Variants in GPR89B observed in about 807,000 individuals in gnomAD.
The protein encoded by GPR89B is G protein-coupled receptor 89B.
Under a neutral mutation model 52.4 loss-of-function variants are expected in GPR89B, and 25 were observed. The observed-to-expected ratio is 0.48, with a 90% CI of 0.35 to 0.67. GPR89B has a LOEUF of 0.67. Ranked by LOEUF, GPR89B falls within the 30% of genes least tolerant of loss-of-function variation. The pLI, the probability that GPR89B is intolerant of heterozygous loss-of-function variation, is 0.01. For synonymous variants in GPR89B, 52 were observed against 151.2 expected, an observed-to-expected ratio of 0.34 and a Z score of 4.81; for missense variants, 146 against 450.2, an observed-to-expected ratio of 0.32 and a Z score of 6.11.
At chr1:147,931,411 T>C (rs4245684) in intron 1 of GPR89B, among the ~76,000 whole-genome samples, 3 of 152,252 alleles carry the variant, frequency 2.0e-5, no homozygotes, top group Admixed American at 6.5e-5. Context: ...CTGAAAGTAT[T>C]AAGTCTCATT....
At chr1:148,016,906 G>A in the GPR89B span, among the ~76,000 whole-genome samples, 4,059 of 150,956 alleles carry the variant, frequency 0.027, 76 homozygotes, top group Non-Finnish European at 0.041. Context: ...ATTATTCATG[G>A]TTCCATATTC....
rs1471205237 is a variant in GPR89B at position 147,968,100 on chromosome 1, C to T, written c.728-775C>T. The T allele has an allele frequency of 5.6e-4, 199 of 356,658 alleles. 1 individual carries two copies. Among genetic ancestry groups the T allele is most frequent in the South Asian group, 4.0e-3 (188 of 46,730 alleles). 22.1% of individuals were successfully genotyped at this position (356,658 alleles called of 1,614,324 possible). On this transcript the variant is annotated intron_variant, in intron 8 of 13. Coordinates refer to ENST00000314163, the MANE Select transcript of GPR89B (RefSeq NM_016334.5). ...TTTATTACTTAAAAGTTCATAAAAG[C>T]CAATAATATGGGTTTGAGCTGTGTT...
chr1:147,965,331 A>G (rs1276841345), intron 7 of GPR89B, among the ~76,000 whole-genome samples: 1 of 151,070 alleles, frequency 6.6e-6, no homozygotes, highest in Non-Finnish European at 1.5e-5. Flanking sequence ...AGTCCCAGGC[A>G]TAAATACCAA....
intron 3 of GPR89B, among the ~76,000 whole-genome samples, chr1:147,940,655 G>T (rs1384331350): frequency 6.6e-6 from 1 of 152,202 alleles, no homozygotes; most frequent in Non-Finnish European, 1.5e-5. Context: ...TGCTGTTGTA[G>T]AGCGAAAGCA....
intron 1 of GPR89B, among the ~76,000 whole-genome samples, chr1:147,933,704 A>T (rs1260505138): frequency 6.6e-6 from 1 of 151,080 alleles, no homozygotes; most frequent in Non-Finnish European, 1.5e-5. Flanking sequence ...TTTACCTTCT[A>T]AATAGTTCTC....
chr1:147,985,680 A>G (rs1408709744), intron 10 of GPR89B, among the ~76,000 whole-genome samples: 1 of 150,228 alleles, frequency 6.7e-6, no homozygotes, highest in Non-Finnish European at 1.5e-5. Context: ...CTGTGTTGCT[A>G]TTTCTTTTCA....
chr1:148,004,818 G>A, the GPR89B span, among the ~76,000 whole-genome samples: 1 of 64,046 alleles, frequency 1.6e-5, no homozygotes, highest in Non-Finnish European at 3.2e-5. Context: ...AGGCCAAGGC[G>A]GGCAGATCAC....
chr1:147,938,584 G>T, intron 2 of GPR89B, 130 bp from the exon 3 acceptor site: 1 of 1,133,396 alleles, frequency 8.8e-7, no homozygotes, highest in Non-Finnish European at 1.3e-6. Flanking sequence ...GCAAGTTGCT[G>T]TTGTGGCCCT....
downstream of GPR89B, chr1:147,996,032 G>A: frequency 1.6e-6 from 1 of 614,276 alleles, no homozygotes; most frequent in Non-Finnish European, 2.9e-6. Context: ...TGAGAAAGGT[G>A]TTCTAATGCT....
intron 1 of GPR89B, among the ~76,000 whole-genome samples, chr1:147,931,604 T>C (rs1219687287): frequency 6.6e-6 from 1 of 152,024 alleles, no homozygotes; most frequent in Non-Finnish European, 1.5e-5. Context: ...TTTTCAACTT[T>C]TATTTTATTT....
At chr1:148,006,588 GT>G in the GPR89B span, among the ~76,000 whole-genome samples, 1 of 152,076 alleles carries the variant, frequency 6.6e-6, no homozygotes, top group Admixed American at 6.5e-5. Flanking sequence ...CTACGATAGA[GT>G]TTAACTTATA....
intron 3 of GPR89B, 107 bp downstream of exon 3, chr1:147,938,924 A>G: frequency 6.6e-7 from 1 of 1,515,082 alleles, no homozygotes; most frequent in Non-Finnish European, 8.9e-7. Flanking sequence ...CACTGTGTTA[A>G]TAGTTCAGTT....
intron 10 of GPR89B, among the ~76,000 whole-genome samples, chr1:147,983,400 T>G (rs1337835352): frequency 6.6e-6 from 1 of 151,986 alleles, no homozygotes; most frequent in East Asian, 1.9e-4. Context: ...ACCTACAGAA[T>G]GGGAGAAAAT....
intron 10 of GPR89B, among the ~76,000 whole-genome samples, chr1:147,977,479 T>C (rs1248527536): frequency 7.9e-5 from 12 of 151,864 alleles, no homozygotes; most frequent in Admixed American, 7.2e-4. Flanking sequence ...CTGGATTTCC[T>C]GAATTTGAAT....
At chr1:148,016,948 C>G in the GPR89B span, among the ~76,000 whole-genome samples, 1 of 151,788 alleles carries the variant, frequency 6.6e-6, no homozygotes, top group Non-Finnish European at 1.5e-5. Flanking sequence ...GTCTAATCTG[C>G]TGTTAATCCC....
intron 7 of GPR89B, among the ~76,000 whole-genome samples, chr1:147,955,252 GA>G (rs1244358891): frequency 6.6e-6 from 1 of 151,986 alleles, no homozygotes; most frequent in African/African-American, 2.4e-5. Context: ...CCTTAAGGCT[GA>G]ATAGTATTCT....
At chr1:148,019,687 G>A in the GPR89B span, among the ~76,000 whole-genome samples, 8 of 152,098 alleles carry the variant, frequency 5.3e-5, 1 homozygote, top group Non-Finnish European at 1.2e-4. Flanking sequence ...AAGAATGAGA[G>A]TGAAAACATG....
intron 5 of GPR89B, among the ~76,000 whole-genome samples, chr1:147,946,683 G>A (rs1655002521): frequency 6.6e-6 from 1 of 152,138 alleles, no homozygotes; most frequent in African/African-American, 2.4e-5. Context: ...TCTCCTGTGT[G>A]CATTCAGCTC....
chr1:147,975,570 G>T (rs1411663975), intron 10 of GPR89B, among the ~76,000 whole-genome samples: 2 of 151,918 alleles, frequency 1.3e-5, no homozygotes, highest in South Asian at 2.1e-4. Flanking sequence ...TATTAGTCTA[G>T]TAGTGGTCTA....
Sources: allele counts gnomAD v4.1 joint callset (sites outside exome capture counted in the v4.1 genomes callset), GRCh38; gene constraint gnomAD v4.1.1; transcripts MANE v1.5; gene names NCBI Gene and HGNC (gene_info 2026-07-23, HGNC 2026-07-21).